PCDHA3: variants seen among roughly 807,000 people sequenced by gnomAD.
PCDHA3 encodes the protein protocadherin alpha 3.
Under a neutral mutation model 62.2 loss-of-function variants are expected in PCDHA3, and 41 were observed. That is an observed-to-expected ratio of 0.66 (90% CI 0.51 to 0.86). The LOEUF (loss-of-function observed/expected upper bound fraction) is 0.86, where lower values mean the gene tolerates loss of function less well. Among genes scored for constraint, PCDHA3 ranks in the 40% least tolerant of loss-of-function variants. The pLI is 0.00. For missense variants in PCDHA3, 1,304 were observed against 1,241.2 expected (o/e 1.05, Z -0.76); for synonymous variants, 640 against 555.4 (o/e 1.15, Z -2.14).
chr5:140,971,488 A>G (rs17119328), intron 1 of PCDHA3, among the ~76,000 whole-genome samples: 1 of 152,104 alleles, frequency 6.6e-6, no homozygotes, highest in African/African-American at 2.4e-5. Flanking sequence ...ACATTGTTAC[A>G]GTGTGGCAAG....
Position 140,858,130 on chromosome 5 carries a change from C to G in PCDHA3, c.2394+54539C>G, listed in dbSNP as rs1210306605. ...CGCCCGAGGTGGCCCTGGTGGATGT[C>G]AACGTGTACCTGATCATCGCCATCT... On this transcript the variant is annotated intron_variant, in intron 1 of 3. Transcript: ENST00000522353. 27 of 1,597,776 alleles carry G rather than the reference C, an allele frequency of 1.7e-5. 5 individuals carry two copies. The highest frequency in any genetic ancestry group is 2.3e-5 in the Non-Finnish European group (27 of 1,167,556).
At position 140,803,071 on chromosome 5, in the gene PCDHA3, G is replaced by A; in HGVS notation, c.1874G>A (p.Gly625Glu). Residue 625 changes from glycine to glutamate, a missense_variant, in exon 1 of 4, where the codon GGG (glycine) becomes GAG (glutamate). By Grantham distance (98) the Gly-to-Glu change is moderately conservative. Coordinates refer to ENST00000522353, the MANE Select transcript of PCDHA3 (RefSeq NM_018906.3). ...TGGARIPFRV[G>E]LYTGEISTTR... is the part of the protein sequence containing the mutation. ...GGTGCGCGCATCCCGTTTCGCGTGGGGCTGTACACGGGAGAGATCAGCACG... is the reference window on the plus strand; with the variant it reads ...GGTGCGCGCATCCCGTTTCGCGTGGAGCTGTACACGGGAGAGATCAGCACG... The A allele has an allele frequency of 6.2e-7, 1 of 1,613,844 alleles. No individual in the cohort carries two copies. Among genetic ancestry groups the A allele is most frequent in the East Asian group, 2.2e-5 (1 of 44,894 alleles).
At chr5:140,835,731 G>C (rs1554135211) in intron 1 of PCDHA3, 20 of 1,613,790 alleles carry the variant, frequency 1.2e-5, no homozygotes, top group Admixed American at 3.3e-5. Flanking sequence ...CGACGTGAAC[G>C]ACAACGCCCC....
At chr5:140,932,323 C>T (rs1259103502) in intron 1 of PCDHA3, among the ~76,000 whole-genome samples, 1 of 151,814 alleles carries the variant, frequency 6.6e-6, no homozygotes, top group Non-Finnish European at 1.5e-5. Flanking sequence ...ATTAATGTAG[C>T]AAAAATGCAT....
At chr5:140,830,601 T>C (rs1349140277) in intron 1 of PCDHA3, 2 of 664,640 alleles carry the variant, frequency 3.0e-6, no homozygotes, top group African/African-American at 3.8e-5. Context: ...CAAAATTACA[T>C]ATTTTCATTT....
rs781787163 is a variant in PCDHA3, at chr5:140,869,186, G to A, written c.2394+65595G>A. 7 of 1,614,006 alleles carry A rather than the reference G, an allele frequency of 4.3e-6. No individual in the cohort carries two copies. The South Asian group carries it at 4.4e-5, about 10-fold the overall frequency. ...CTCCTCGAATTCTGGGAGGTGGGGA[G>A]CGGCCAGCTCCACTACTCCGTCTCG... On this transcript the variant is annotated intron_variant, in intron 1 of 3. Transcript: ENST00000522353.
rs2150358985 is a variant in PCDHA3, at chr5:140,843,390, A to T, written c.2394+39799A>T. The T allele has an allele frequency of 7.2e-5, 115 of 1,595,932 alleles. 13 individuals carry two copies. Among genetic ancestry groups the T allele is most frequent in the Admixed American group, 3.7e-4 (22 of 59,276 alleles). ...CAGTCGGCTGGCGTTTTGGGTCCGG[A>T]AGCGGCGCTGGTGGATGTCAACGTG... On this transcript the variant is annotated intron_variant, in intron 1 of 3. Coordinates refer to ENST00000522353, the MANE Select transcript of PCDHA3 (RefSeq NM_018906.3).
chr5:141,007,494 G>A (rs538537497), intron 3 of PCDHA3, among the ~76,000 whole-genome samples: 20 of 152,150 alleles, frequency 1.3e-4, no homozygotes, highest in African/African-American at 4.8e-4. Flanking sequence ...CTTGGACCTA[G>A]GAGGCAGAGA....
At position 140,945,942 on chromosome 5, in the gene PCDHA3, A is replaced by G. The variant is rs534164272; in HGVS notation, c.2395-33007A>G. 2.0e-5 allele frequency among the ~76,000 whole-genome samples: 3 copies of G among 152,196 alleles called. No individual in the cohort carries two copies. In the South Asian group the frequency reaches 6.2e-4, roughly 32 times the overall value. ...ACTGATCTGAGCAATGATGTTTTTT[A>G]TATGACCCTGAAAGCACAGGCAATA... On this transcript the variant is annotated intron_variant, in intron 1 of 3. Coordinates refer to ENST00000522353, the MANE Select transcript of PCDHA3 (RefSeq NM_018906.3).
chr5:140,836,910 T>G (rs1390319466), intron 1 of PCDHA3: 1 of 576,424 alleles, frequency 1.7e-6, no homozygotes, highest in African/African-American at 1.9e-5. Context: ...TAATATACAC[T>G]TTTGTTTTGG....
intron 3 of PCDHA3, among the ~76,000 whole-genome samples, chr5:140,999,483 T>G (rs1316785085): frequency 3.3e-5 from 5 of 152,152 alleles, no homozygotes; most frequent in Admixed American, 2.6e-4. Flanking sequence ...CCAACTCAAG[T>G]CTATGTTACC....
intron 1 of PCDHA3, chr5:140,822,670 G>A (rs1767391853): frequency 1.2e-6 from 2 of 1,608,054 alleles, no homozygotes; most frequent in South Asian, 1.1e-5. Flanking sequence ...TTCTAATACT[G>A]GTGAAATAAA....
chr5:140,869,679 G>A, intron 1 of PCDHA3: 1 of 1,613,452 alleles, frequency 6.2e-7, no homozygotes, highest in Non-Finnish European at 8.5e-7. Flanking sequence ...TTAAAAGACT[G>A]TCACTTATTT....
intron 1 of PCDHA3, chr5:140,822,744 T>C (rs1767420186): frequency 3.7e-6 from 6 of 1,613,748 alleles, no homozygotes; most frequent in Non-Finnish European, 4.2e-6. Context: ...ATGCCATGGA[T>C]AAAAGTACAT....
intron 2 of PCDHA3, 101 bp downstream of exon 2, chr5:140,979,108 A>G: frequency 6.6e-7 from 1 of 1,526,122 alleles, no homozygotes; most frequent in African/African-American, 1.4e-5. Flanking sequence ...AAAACTAAAA[A>G]GCTTTAGGTA....
chr5:140,857,944 G>C, intron 1 of PCDHA3: 1 of 1,597,474 alleles, frequency 6.3e-7, no homozygotes, highest in South Asian at 1.1e-5. Flanking sequence ...AGATCAGTAC[G>C]ACGCGCGCTC....
intron 1 of PCDHA3, among the ~76,000 whole-genome samples, chr5:140,885,665 G>A (rs2060682140): frequency 6.6e-6 from 1 of 152,114 alleles, no homozygotes; most frequent in Non-Finnish European, 1.5e-5. Flanking sequence ...CCAGTTATGA[G>A]CACTCTTTCT....
chr5:140,851,837 A>G (rs2042175202), intron 1 of PCDHA3: 1 of 970,268 alleles, frequency 1.0e-6, no homozygotes, highest in Non-Finnish European at 1.2e-6. Context: ...TTTTAAAAAT[A>G]TCTTTTTCTC....
chr5:140,822,739 A>G (rs1165429866), intron 1 of PCDHA3: 8 of 1,613,518 alleles, frequency 5.0e-6, no homozygotes, highest in African/African-American at 1.3e-5. Flanking sequence ...TATTGATGCC[A>G]TGGATAAAAG....
Sources: gnomAD v4.1 joint callset for allele counts (sites outside exome capture counted in the v4.1 genomes callset) on GRCh38, gnomAD v4.1.1 for gene constraint, MANE v1.5 for transcripts, NCBI Gene and HGNC (gene_info 2026-07-23, HGNC 2026-07-21) for gene names.